The following COL5A2 variants were observed in gnomAD, a reference collection of about 807,000 sequenced individuals.
COL5A2 encodes the protein collagen type V alpha 2 chain.
Under a neutral mutation model 208.2 loss-of-function variants are expected in COL5A2, and 23 were observed. That is an observed-to-expected ratio of 0.11 (90% CI 0.08 to 0.16). The LOEUF (loss-of-function observed/expected upper bound fraction) is 0.16. COL5A2 is among the 10% of genes least tolerant of loss of function. The pLI is 1.00. For missense variants in COL5A2, 1,590 were observed against 1,956.4 expected (o/e 0.81, Z 3.53); for synonymous variants, 625 against 628.5 (o/e 0.99, Z 0.08).
rs1204160030 is a variant in COL5A2 at position 189,185,028 on chromosome 2, C to CT, written c.-42+40119dup. Among the ~76,000 whole-genome samples the CT allele has an allele frequency of 5.3e-3, 786 of 147,246 alleles. 2 individuals are homozygous for CT. The highest frequency in any genetic ancestry group is 9.5e-3 in the African/African-American group (383 of 40,382). On this transcript the variant is annotated intron_variant, in intron 1 of 10. Transcript: ENST00000649966. ...ACAAATGGCATACTCTAATATGCTA[C>CT]TTTTTTTTTTTTTGAGACAGAGTCT...
At position 189,053,001 on chromosome 2, in the gene COL5A2, A is replaced by G. The variant is rs1685823732; in HGVS notation, c.2571T>C (p.Pro857=). 1 of 1,614,054 alleles carries G rather than the reference A, an allele frequency of 6.2e-7. No homozygotes were observed. The highest frequency in any genetic ancestry group is 1.7e-5 in the Admixed American group (1 of 60,016). The part of the protein sequence containing the change: ...FAGPQGPDGQ[P]GVKGEPGEPG... ...GCTCTCCAGGTTCACCTTTTACTCC[A>G]GGCTGTCCGTCAGGACCCTATAAAA... is the stretch of plus-strand genomic sequence containing the variant. Residue 857 remains proline, a synonymous_variant, in exon 39 of 54, where the codon CCT becomes CCC. Coordinates refer to ENST00000374866, the MANE Select transcript of COL5A2 (RefSeq NM_000393.5).
chr2:189,083,229 C>G (rs1686576212), intron 12 of COL5A2, among the ~76,000 whole-genome samples: 1 of 152,084 alleles, frequency 6.6e-6, no homozygotes, highest in Non-Finnish European at 1.5e-5. Flanking sequence ...CTAATTTTCC[C>G]CATGGCCAGC....
intron 1 of COL5A2, among the ~76,000 whole-genome samples, chr2:189,165,778 G>A (rs1168355386): frequency 2.0e-5 from 3 of 152,108 alleles, no homozygotes; most frequent in Non-Finnish European, 4.4e-5. Flanking sequence ...ACTGTAAAAA[G>A]CTCTATATGT....
chr2:189,145,538 A>C (rs150384475), intron 1 of COL5A2, among the ~76,000 whole-genome samples: 42 of 152,218 alleles, frequency 2.8e-4, no homozygotes, highest in Non-Finnish European at 5.1e-4. Context: ...CTTTATGAAC[A>C]CAAAAACCTG....
chr2:189,066,273 C>T, intron 23 of COL5A2, 117 bp downstream of exon 23: 1 of 947,836 alleles, frequency 1.1e-6, no homozygotes, highest in South Asian at 1.3e-5. Flanking sequence ...CTGTACTGAA[C>T]TGTGCAGGGA....
chr2:189,319,683 G>T, the COL5A2 span, among the ~76,000 whole-genome samples: 1 of 152,388 alleles, frequency 6.6e-6, no homozygotes, highest in South Asian at 2.1e-4. Context: ...TGAACTGGGT[G>T]GAGCCCACTG....
the COL5A2 span, among the ~76,000 whole-genome samples, chr2:189,243,583 T>C: frequency 3.3e-5 from 5 of 152,102 alleles, no homozygotes; most frequent in African/African-American, 9.7e-5. Flanking sequence ...ATACAACACA[T>C]GGGAATTCAA....
intron 1 of COL5A2, among the ~76,000 whole-genome samples, chr2:189,197,538 G>A (rs1319682672): frequency 6.6e-6 from 1 of 152,084 alleles, no homozygotes; most frequent in Admixed American, 6.5e-5. Flanking sequence ...GGTGGTAGAT[G>A]AAGGCACACA....
chr2:189,192,206 A>C (rs962077384), intron 1 of COL5A2, among the ~76,000 whole-genome samples: 2 of 152,240 alleles, frequency 1.3e-5, no homozygotes, highest in Non-Finnish European at 2.9e-5. Context: ...TTTAAAGACA[A>C]CATATAGTTC....
At chr2:189,378,060 T>C in the COL5A2 span, among the ~76,000 whole-genome samples, 5,514 of 152,206 alleles carry the variant, frequency 0.036, 114 homozygotes, top group Admixed American at 0.05. Context: ...ATAAAAGAAG[T>C]TCTCATCTTT....
At chr2:189,229,243 A>G (rs994059664), upstream of COL5A2, among the ~76,000 whole-genome samples, 4 of 151,710 alleles carry the variant, frequency 2.6e-5, no homozygotes, top group African/African-American at 7.2e-5. Flanking sequence ...CAAAATCAGG[A>G]AAAAAAGCAC....
chr2:189,220,518 G>A (rs958307072), intron 1 of COL5A2, among the ~76,000 whole-genome samples: 2 of 150,570 alleles, frequency 1.3e-5, no homozygotes, highest in Admixed American at 6.6e-5. Context: ...GTTTGAACAT[G>A]CCAATCACTT....
At chr2:189,397,121 T>C in the COL5A2 span, among the ~76,000 whole-genome samples, 2 of 152,072 alleles carry the variant, frequency 1.3e-5, no homozygotes, top group Non-Finnish European at 2.9e-5. Flanking sequence ...TATTTGGATA[T>C]GGGGAACTTT....
Position 189,053,886 on chromosome 2 carries a change from G to A in COL5A2, c.2499+9C>T. 2 of 1,611,808 alleles carry A rather than the reference G, an allele frequency of 1.2e-6. No homozygotes were observed. The highest frequency in any genetic ancestry group is 1.7e-6 in the Non-Finnish European group (2 of 1,178,156). ...TCACACTAAAGAACACCAAAATACT[G>A]TCACTTACAGGATTGCCCCGGGAGC... On this transcript the variant is annotated intron_variant, in intron 37 of 53. Transcript: ENST00000374866.
the COL5A2 span, among the ~76,000 whole-genome samples, chr2:189,324,434 T>C: frequency 7.1e-6 from 1 of 141,138 alleles, no homozygotes; most frequent in Non-Finnish European, 1.6e-5. Flanking sequence ...AGGGCTAATA[T>C]CCAGAATCTA....
chr2:189,242,306 C>T, the COL5A2 span, among the ~76,000 whole-genome samples: 121 of 152,086 alleles, frequency 8.0e-4, no homozygotes, highest in African/African-American at 2.8e-3. Flanking sequence ...CACACATGGC[C>T]GTTAATATTT....
the COL5A2 span, among the ~76,000 whole-genome samples, chr2:189,418,574 A>G: frequency 7.5e-4 from 115 of 152,348 alleles, no homozygotes; most frequent in African/African-American, 2.6e-3. Flanking sequence ...ATAGACATGG[A>G]CACGAAGTCC....
At chr2:189,420,083 A>AGAAGGAAG in the COL5A2 span, among the ~76,000 whole-genome samples, 1 of 139,688 alleles carries the variant, frequency 7.2e-6, no homozygotes, top group African/African-American at 2.6e-5. Flanking sequence ...GGAGGGAGGG[A>AGAAGGAAG]GAAGGAAGGA....
At chr2:189,255,485 TGG>T in the COL5A2 span, among the ~76,000 whole-genome samples, 2 of 152,180 alleles carry the variant, frequency 1.3e-5, no homozygotes, top group Non-Finnish European at 2.9e-5. Context: ...TACTAAAATT[TGG>T]ACAACTGTTT....
Sources: allele counts gnomAD v4.1 joint callset (sites outside exome capture counted in the v4.1 genomes callset), GRCh38; gene constraint gnomAD v4.1.1; transcripts MANE v1.5; gene names NCBI Gene and HGNC (gene_info 2026-07-23, HGNC 2026-07-21).